The following NAALADL2 variants were observed in gnomAD, a reference collection of about 807,000 sequenced individuals.
NAALADL2 encodes the protein N-acetylated alpha-linked acidic dipeptidase like 2, also known as inactive N-acetylated-alpha-linked acidic dipeptidase-like protein 2.
Under a neutral mutation model 87.2 loss-of-function variants are expected in NAALADL2, and 76 were observed. That is an observed-to-expected ratio of 0.87 (90% CI 0.72 to 1.05). NAALADL2 has a LOEUF of 1.05. Among genes scored for constraint, NAALADL2 ranks in the 50% least tolerant of loss-of-function variants. The pLI, the probability that NAALADL2 is intolerant of heterozygous loss-of-function variation, is 0.00. For synonymous variants in NAALADL2, 354 were observed against 331.0 expected (o/e 1.07, Z -0.75); for missense variants, 1,089 against 945.8 (o/e 1.15, Z -1.99).
intron 1 of NAALADL2, among the ~76,000 whole-genome samples, chr3:175,090,262 A>G (rs1217300086): frequency 6.6e-6 from 1 of 152,092 alleles, no homozygotes; most frequent in Non-Finnish European, 1.5e-5. Flanking sequence ...GATATCCTAA[A>G]TAATACCAAG....
intron 2 of NAALADL2, among the ~76,000 whole-genome samples, chr3:174,560,423 G>A (rs1713452574): frequency 6.6e-6 from 1 of 152,132 alleles, no homozygotes; most frequent in South Asian, 2.1e-4. Flanking sequence ...GCAAAGTAGA[G>A]CCTAAAAAGA....
chr3:175,120,561 G>C (rs1726000730), intron 2 of NAALADL2, among the ~76,000 whole-genome samples: 1 of 151,780 alleles, frequency 6.6e-6, no homozygotes, highest in East Asian at 1.9e-4. Flanking sequence ...AAATCGATCA[G>C]AGATAATGAA....
At chr3:174,874,305 G>C (rs1728210305) in intron 1 of NAALADL2, among the ~76,000 whole-genome samples, 1 of 152,164 alleles carries the variant, frequency 6.6e-6, no homozygotes, top group Admixed American at 6.5e-5. Context: ...ACTCCTATAT[G>C]AGAACAGAAT....
chr3:174,488,497 C>A (rs1325557992), intron 1 of NAALADL2, among the ~76,000 whole-genome samples: 3 of 152,016 alleles, frequency 2.0e-5, no homozygotes, highest in African/African-American at 7.2e-5. Context: ...GGCACTGATG[C>A]TTTTAATGTG....
chr3:174,961,070 GTAT>G (rs1741917575), intron 1 of NAALADL2, among the ~76,000 whole-genome samples: 2 of 147,504 alleles, frequency 1.4e-5, no homozygotes, highest in South Asian at 4.2e-4. Context: ...TATATCATAT[GTAT>G]TATATCATTA....
intron 4 of NAALADL2, among the ~76,000 whole-genome samples, chr3:175,292,357 G>A (rs1755739019): frequency 6.6e-6 from 1 of 152,228 alleles, no homozygotes; most frequent in Non-Finnish European, 1.5e-5. Flanking sequence ...ATATGAGCCA[G>A]TATTTATCTT....
At chr3:174,902,646 ATAT>A (rs1732454181) in intron 1 of NAALADL2, among the ~76,000 whole-genome samples, 1 of 152,164 alleles carries the variant, frequency 6.6e-6, no homozygotes, top group South Asian at 2.1e-4. Flanking sequence ...TTTCAAGGAG[ATAT>A]TATGAACTCA....
chr3:175,022,152 A>G (rs1419820741), intron 1 of NAALADL2, among the ~76,000 whole-genome samples: 1 of 152,038 alleles, frequency 6.6e-6, no homozygotes, highest in Non-Finnish European at 1.5e-5. Context: ...CACCAGAAGC[A>G]GATACTGGTG....
intron 1 of NAALADL2, among the ~76,000 whole-genome samples, chr3:174,454,440 T>C (rs1715694163): frequency 6.6e-6 from 1 of 152,160 alleles, no homozygotes; most frequent in African/African-American, 2.4e-5. Flanking sequence ...ATATACATTC[T>C]TCTCATCACC....
Position 174,959,823 on chromosome 3 carries a change from C to T in NAALADL2, c.43+100373C>T, listed in dbSNP as rs79824857. The stretch of plus-strand genomic sequence containing the variant: ...CTAGTTAGATTATGTCATTTTAATA[C>T]GCAAGGCAATCACTTAGATTTGTTA... On this transcript the variant is annotated intron_variant, in intron 1 of 13. Coordinates refer to ENST00000454872, the MANE Select transcript of NAALADL2 (RefSeq NM_207015.3). Among the ~76,000 whole-genome samples the T allele has an allele frequency of 7.6e-3, 1,159 of 152,140 alleles. 17 individuals are homozygous for T. Among genetic ancestry groups the T allele is most frequent in the African/African-American group, 0.027 (1,120 of 41,534 alleles).
chr3:174,905,422 T>G (rs998255745), intron 1 of NAALADL2, among the ~76,000 whole-genome samples: 1 of 150,954 alleles, frequency 6.6e-6, no homozygotes, highest in African/African-American at 2.4e-5. Flanking sequence ...GTTTCACAAT[T>G]CATGTATTTT....
chr3:175,167,701 A>G (rs1318900298), intron 2 of NAALADL2, among the ~76,000 whole-genome samples: 2 of 151,968 alleles, frequency 1.3e-5, no homozygotes, highest in Admixed American at 6.6e-5. Flanking sequence ...ACGTTCTTAA[A>G]CCTTGAACAA....
At chr3:175,790,023 A>G (rs1752586030) in intron 13 of NAALADL2, among the ~76,000 whole-genome samples, 1 of 152,172 alleles carries the variant, frequency 6.6e-6, no homozygotes, top group South Asian at 2.1e-4. Context: ...GTTATCTCAG[A>G]TTTCATAAAC....
intron 1 of NAALADL2, among the ~76,000 whole-genome samples, chr3:175,037,685 G>A (rs1033995498): frequency 6.6e-6 from 1 of 152,132 alleles, no homozygotes; most frequent in African/African-American, 2.4e-5. Context: ...CCTCATGCCT[G>A]CTTCTACCTC....
intron 3 of NAALADL2, among the ~76,000 whole-genome samples, chr3:174,779,587 C>A (rs1490290417): frequency 6.6e-6 from 1 of 152,068 alleles, no homozygotes; most frequent in Non-Finnish European, 1.5e-5. Flanking sequence ...ATGTTTTATT[C>A]TAGGCTTTTA....
chr3:175,582,450 A>G (rs1719925899), intron 10 of NAALADL2, among the ~76,000 whole-genome samples: 1 of 152,174 alleles, frequency 6.6e-6, no homozygotes, highest in African/African-American at 2.4e-5. Context: ...TGCTGCTTTC[A>G]GTGATTATCT....
chr3:174,444,935 A>G (rs1454278520), intron 1 of NAALADL2, among the ~76,000 whole-genome samples: 1 of 152,162 alleles, frequency 6.6e-6, no homozygotes, highest in African/African-American at 2.4e-5. Flanking sequence ...GAATTTTGAC[A>G]ACATTACTCA....
chr3:175,027,709 A>G (rs2108895773), intron 1 of NAALADL2, among the ~76,000 whole-genome samples: 1 of 152,212 alleles, frequency 6.6e-6, no homozygotes. Flanking sequence ...GTCAAAAAAT[A>G]GAAGAATATG....
At chr3:174,495,849 C>T (rs1039972898) in intron 1 of NAALADL2, among the ~76,000 whole-genome samples, 3 of 152,120 alleles carry the variant, frequency 2.0e-5, no homozygotes, top group African/African-American at 7.2e-5. Context: ...GTTTCCCCAT[C>T]CATTAAATGA....
Sources: gnomAD v4.1 joint callset for allele counts (sites outside exome capture counted in the v4.1 genomes callset) on GRCh38, gnomAD v4.1.1 for gene constraint, MANE v1.5 for transcripts, NCBI Gene and HGNC (gene_info 2026-07-23, HGNC 2026-07-21) for gene names.